Variants in RSPO4 observed in about 807,000 individuals in gnomAD.
The protein encoded by RSPO4 is R-spondin 4.
In RSPO4, 23 loss-of-function variants were observed where a neutral mutation model predicts 24.8. That is an observed-to-expected ratio of 0.93 (90% CI 0.67 to 1.31). The LOEUF (loss-of-function observed/expected upper bound fraction) is 1.31, where lower values mean the gene tolerates loss of function less well. Among genes scored for constraint, RSPO4 ranks in the 40% most tolerant of loss-of-function variants. RSPO4 has a pLI of 0.00. For missense variants in RSPO4, 333 were observed against 316.5 expected (o/e 1.05, Z -0.39); for synonymous variants, 141 against 127.4 (o/e 1.11, Z -0.72).
At chr20:973,661 A>T (rs1423251271) in intron 1 of RSPO4, among the ~76,000 whole-genome samples, 3 of 152,158 alleles carry the variant, frequency 2.0e-5, no homozygotes, top group Non-Finnish European at 2.9e-5. Context: ...TTTTTAGTAG[A>T]GACGGGGTTT....
At chr20:960,787 A>G (rs1983970539) in intron 4 of RSPO4, among the ~76,000 whole-genome samples, 1 of 152,214 alleles carries the variant, frequency 6.6e-6, no homozygotes, top group South Asian at 2.1e-4. Context: ...GGGTGGCCTC[A>G]TGGGAGTCCC....
At chr20:962,495 G>A (rs1036433521) in intron 4 of RSPO4, among the ~76,000 whole-genome samples, 1 of 152,130 alleles carries the variant, frequency 6.6e-6, no homozygotes, top group Non-Finnish European at 1.5e-5. Flanking sequence ...CCAGCTCTTG[G>A]AGCCATGAGA....
At chr20:967,428 T>C (rs1984249626) in intron 2 of RSPO4, 114 bp from the exon 3 acceptor site, 2 of 1,121,678 alleles carry the variant, frequency 1.8e-6, no homozygotes, top group South Asian at 2.5e-5. Context: ...AGCATTTGGG[T>C]CAGGACTCAG....
At chr20:976,326 C>A (rs1222705839) in intron 1 of RSPO4, among the ~76,000 whole-genome samples, 2 of 152,174 alleles carry the variant, frequency 1.3e-5, no homozygotes, top group Admixed American at 6.5e-5. Context: ...TGGAAGGAGG[C>A]CAGCAGGGTC....
chr20:962,391 A>G (rs1465458106), intron 4 of RSPO4, among the ~76,000 whole-genome samples: 1 of 152,190 alleles, frequency 6.6e-6, no homozygotes, highest in Non-Finnish European at 1.5e-5. Flanking sequence ...CAGCCAGCAC[A>G]TGGTAGATGC....
intron 1 of RSPO4, 22 bp from the exon 2 acceptor site, chr20:968,160 A>G: frequency 1.2e-6 from 2 of 1,609,252 alleles, no homozygotes; most frequent in Admixed American, 3.3e-5. Context: ...ACCAGGGCAG[A>G]AGGAGGGGGA....
chr20:1,000,629 G>C (rs1440356771), intron 1 of RSPO4, among the ~76,000 whole-genome samples: 1 of 152,174 alleles, frequency 6.6e-6, no homozygotes, highest in Non-Finnish European at 1.5e-5. Flanking sequence ...AGTGAGGATT[G>C]GACAGGCAAA....
At chr20:960,607 T>TC in intron 4 of RSPO4, 141 bp from the exon 5 acceptor site, 1 of 700,594 alleles carries the variant, frequency 1.4e-6, no homozygotes, top group East Asian at 2.7e-5. Context: ...GACCTTGCAG[T>TC]CCCTCCTGTT....
At chr20:986,295 A>G (rs1238567673) in intron 1 of RSPO4, among the ~76,000 whole-genome samples, 1 of 152,132 alleles carries the variant, frequency 6.6e-6, no homozygotes, top group Non-Finnish European at 1.5e-5. Context: ...ATGGCCCCAG[A>G]GTTTTCTAAC....
chr20:995,579 A>C (rs1364143096), intron 1 of RSPO4, among the ~76,000 whole-genome samples: 1 of 152,206 alleles, frequency 6.6e-6, no homozygotes, highest in Non-Finnish European at 1.5e-5. Context: ...GGAATGATGT[A>C]GCTGTCAGAT....
At chr20:974,878 G>A (rs934371368) in intron 1 of RSPO4, among the ~76,000 whole-genome samples, 1 of 152,156 alleles carries the variant, frequency 6.6e-6, no homozygotes, top group Non-Finnish European at 1.5e-5. Flanking sequence ...AGGTCACATT[G>A]AGTTAGGTTT....
intron 1 of RSPO4, among the ~76,000 whole-genome samples, chr20:969,239 G>A (rs6140809): frequency 0.062 from 9,487 of 152,308 alleles, 349 homozygotes; most frequent in East Asian, 0.14. Context: ...TCGCCTGAGC[G>A]GGGAAGGCTG....
intron 1 of RSPO4, among the ~76,000 whole-genome samples, chr20:986,950 A>G (rs80123884): frequency 6.6e-6 from 1 of 152,328 alleles, no homozygotes; most frequent in East Asian, 1.9e-4. Context: ...AAATACCACC[A>G]TGACCTACAA....
intron 1 of RSPO4, among the ~76,000 whole-genome samples, chr20:974,160 A>G (rs1462183889): frequency 6.6e-6 from 1 of 152,248 alleles, no homozygotes. Context: ...ATCTCCAGAG[A>G]GGCTTGTAAA....
At chr20:977,287 C>T (rs1984594848) in intron 1 of RSPO4, among the ~76,000 whole-genome samples, 1 of 152,220 alleles carries the variant, frequency 6.6e-6, no homozygotes, top group South Asian at 2.1e-4. Context: ...GTCCTGGGCC[C>T]ACACTTTGAG....
chr20:1,001,544 G>A (rs1985461626), intron 1 of RSPO4, among the ~76,000 whole-genome samples: 1 of 152,176 alleles, frequency 6.6e-6, no homozygotes, highest in African/African-American at 2.4e-5. Context: ...TAGAATAAGT[G>A]AACCTGAACT....
chr20:993,545 T>C lies in RSPO4; in HGVS notation c.79+8541A>G, dbSNP rs1814233496. Among the ~76,000 whole-genome samples the C allele has an allele frequency of 3.9e-5, 6 of 152,076 alleles. No individual in the cohort carries two copies. The South Asian group carries it at 1.2e-3, about 32-fold the overall frequency. On this transcript the variant is annotated intron_variant, in intron 1 of 4. Transcript: ENST00000217260. The stretch of plus-strand genomic sequence containing the variant: ...TGGCAAGTTGATTCCCCTCCCTGAA[T>C]GTGGAAGGCCTCATCTGTAGAAGAG...
rs34773751 is a variant in RSPO4, at chr20:960,170, A to G, written c.*187T>C. On this transcript the variant is annotated 3_prime_UTR_variant, in exon 5 of 5. Transcript: ENST00000217260. ...AAGGAGAGGAGAATGGAGGTGGAAG[A>G]AATAAAGGAAATAAAAAAGAAAAAG... The G allele has an allele frequency of 0.023, 13,444 of 595,174 alleles. 430 individuals are homozygous for G. Among genetic ancestry groups the G allele is most frequent in the African/African-American group, 0.11 (6,022 of 53,804 alleles). The allele number at this position is 595,174 out of a possible 1,614,324, so 36.9% of individuals were successfully genotyped here.
rs1031864677 is a variant in RSPO4 at position 958,945 on chromosome 20, C to T, written c.*1412G>A. The T allele has an allele frequency of 4.1e-4, 63 of 152,510 alleles. No individual in the cohort carries two copies. Among genetic ancestry groups the T allele is most frequent in the Non-Finnish European group, 6.0e-4 (41 of 68,242 alleles). 9.4% of individuals were successfully genotyped at this position (152,510 alleles called of 1,614,324 possible). On this transcript the variant is annotated 3_prime_UTR_variant, in exon 5 of 5. Transcript: ENST00000217260. ...GAGCAGGAAGGGGGTGTTATGATGG[C>T]AGAAGGATAGGCAGTGAGGACAGAC...
Sources: gnomAD v4.1 joint callset for allele counts (sites outside exome capture counted in the v4.1 genomes callset) on GRCh38, gnomAD v4.1.1 for gene constraint, MANE v1.5 for transcripts, NCBI Gene and HGNC (gene_info 2026-07-23, HGNC 2026-07-21) for gene names.